The following SYCP1 variants were observed in gnomAD, a reference collection of about 807,000 sequenced individuals.
SYCP1 encodes the protein cancer/testis antigen 8.
Under a neutral mutation model 153.1 loss-of-function variants are expected in SYCP1, and 64 were observed. The observed-to-expected ratio is 0.42, with a 90% CI of 0.34 to 0.51. The LOEUF (loss-of-function observed/expected upper bound fraction) is 0.51, where lower values mean the gene tolerates loss of function less well. Ranked by LOEUF, SYCP1 falls within the 20% of genes least tolerant of loss-of-function variation. SYCP1 has a pLI of 0.06. For synonymous variants in SYCP1, 384 were observed against 341.8 expected (o/e 1.12, Z -1.36); for missense variants, 997 against 1,049.0 (o/e 0.95, Z 0.68).
intron 23 of SYCP1, among the ~76,000 whole-genome samples, chr1:114,940,580 G>A (rs902507988): frequency 3.9e-5 from 6 of 152,124 alleles, no homozygotes; most frequent in East Asian, 1.9e-4. Flanking sequence ...AAGGGGACAT[G>A]TTGTGTTTTT....
intron 7 of SYCP1, 107 bp from the exon 8 acceptor site, chr1:114,860,629 A>G (rs1664303890): frequency 1.4e-6 from 1 of 700,058 alleles, no homozygotes; most frequent in Non-Finnish European, 2.3e-6. Context: ...AGATTATAAT[A>G]TTTTAAAAAT....
chr1:114,978,036 C>T (rs1672917128), intron 28 of SYCP1, among the ~76,000 whole-genome samples: 1 of 151,380 alleles, frequency 6.6e-6, no homozygotes, highest in South Asian at 2.1e-4. Flanking sequence ...AAATGACATC[C>T]TGTTTTCCTC....
chr1:114,881,692 G>A (rs555328724), intron 12 of SYCP1, among the ~76,000 whole-genome samples: 15 of 152,096 alleles, frequency 9.9e-5, no homozygotes, highest in Non-Finnish European at 2.1e-4. Flanking sequence ...TGTAGAGACA[G>A]GGTTTCACTG....
intron 23 of SYCP1, among the ~76,000 whole-genome samples, chr1:114,932,271 A>G (rs1280578540): frequency 6.6e-6 from 1 of 152,230 alleles, no homozygotes; most frequent in African/African-American, 2.4e-5. Flanking sequence ...ACAAGGTACA[A>G]AGAAAAAGAA....
intron 1 of SYCP1, 48 bp from the exon 2 acceptor site, chr1:114,855,393 T>C: frequency 8.7e-7 from 1 of 1,155,058 alleles, no homozygotes; most frequent in South Asian, 1.3e-5. Flanking sequence ...TTCATGACAC[T>C]CGGTGAAAAA....
At chr1:114,914,318 A>G (rs1009711040) in intron 20 of SYCP1, among the ~76,000 whole-genome samples, 1 of 151,898 alleles carries the variant, frequency 6.6e-6, no homozygotes, top group Non-Finnish European at 1.5e-5. Flanking sequence ...AAATATATTA[A>G]TCACATTTAA....
rs147334521 is a variant in SYCP1, at chr1:114,885,750, C to T, written c.1005+121C>T. On this transcript the variant is annotated intron_variant, in intron 13 of 31. Coordinates refer to ENST00000369522, the MANE Select transcript of SYCP1 (RefSeq NM_003176.4). ...GAGTTTCAAATAGTTAGAGAAGACA[C>T]AATCCTAGTCTGCAAAATGCTATAG... 7.9e-5 allele frequency: 46 copies of T among 582,364 alleles called. No individual in the cohort carries two copies. The East Asian group carries it at 1.4e-3, about 18-fold the overall frequency. 36.1% of individuals were successfully genotyped at this position (582,364 alleles called of 1,614,324 possible).
At chr1:114,871,725 A>G (rs1488263658) in intron 8 of SYCP1, among the ~76,000 whole-genome samples, 29 of 151,804 alleles carry the variant, frequency 1.9e-4, no homozygotes, top group Admixed American at 5.3e-4. Flanking sequence ...GGCGTGTGCC[A>G]ATTTTTTTAT....
chr1:114,883,704 C>T (rs191038370), intron 12 of SYCP1, among the ~76,000 whole-genome samples: 1 of 152,248 alleles, frequency 6.6e-6, no homozygotes, highest in African/African-American at 2.4e-5. Context: ...TCATAATGGA[C>T]ACCACAATCA....
intron 8 of SYCP1, among the ~76,000 whole-genome samples, chr1:114,871,959 AG>A (rs1665166279): frequency 6.6e-6 from 1 of 151,304 alleles, no homozygotes; most frequent in Non-Finnish European, 1.5e-5. Flanking sequence ...AAAGTTATTT[AG>A]CCTTCACTTA....
chr1:114,880,196 A>G (rs1032245317), intron 12 of SYCP1, among the ~76,000 whole-genome samples: 1 of 152,206 alleles, frequency 6.6e-6, no homozygotes, highest in African/African-American at 2.4e-5. Context: ...TTGTTATGCA[A>G]CCATAACCAC....
At chr1:114,908,405 C>T (rs1200318573) in intron 16 of SYCP1, among the ~76,000 whole-genome samples, 2 of 152,108 alleles carry the variant, frequency 1.3e-5, no homozygotes, top group Non-Finnish European at 2.9e-5. Flanking sequence ...TTTTAACTTT[C>T]TTCAAATATG....
chr1:114,908,480 A>G (rs1667966457), intron 16 of SYCP1, among the ~76,000 whole-genome samples: 1 of 152,078 alleles, frequency 6.6e-6, no homozygotes, highest in Non-Finnish European at 1.5e-5. Context: ...CTAAGATTAC[A>G]ATTATACATT....
At chr1:114,897,441 A>C (rs1276424817) in intron 16 of SYCP1, among the ~76,000 whole-genome samples, 1 of 152,188 alleles carries the variant, frequency 6.6e-6, no homozygotes, top group Admixed American at 6.5e-5. Context: ...ACCAGTTTGC[A>C]CAGGGAAGGG....
chr1:114,860,464 G>A (rs1304471205), intron 7 of SYCP1, among the ~76,000 whole-genome samples: 3 of 152,046 alleles, frequency 2.0e-5, no homozygotes, highest in African/African-American at 7.2e-5. Flanking sequence ...AACTTGTTAA[G>A]GAGCTGTCAC....
chr1:114,866,600 T>C (rs78393159), intron 8 of SYCP1, among the ~76,000 whole-genome samples: 7,313 of 152,224 alleles, frequency 0.048, 219 homozygotes, highest in African/African-American at 0.064. Context: ...CTTTGTATAT[T>C]ATAGAAAACA....
At chr1:114,893,990 G>A (rs1332953345) in intron 15 of SYCP1, among the ~76,000 whole-genome samples, 11 of 150,254 alleles carry the variant, frequency 7.3e-5, no homozygotes, top group African/African-American at 1.7e-4. Flanking sequence ...CCAAGGATTC[G>A]TTAATTTTCT....
At chr1:114,987,792 T>C (rs1384316038) in intron 30 of SYCP1, among the ~76,000 whole-genome samples, 2 of 151,708 alleles carry the variant, frequency 1.3e-5, no homozygotes, top group African/African-American at 4.8e-5. Flanking sequence ...AGCTCAGACA[T>C]TGGAATTACT....
At chr1:114,931,710 A>T (rs1036579583) in intron 23 of SYCP1, among the ~76,000 whole-genome samples, 1 of 152,178 alleles carries the variant, frequency 6.6e-6, no homozygotes, top group Non-Finnish European at 1.5e-5. Context: ...TTTTTAGTAG[A>T]CTTTTACATA....
Sources: gnomAD v4.1 joint callset for allele counts (sites outside exome capture counted in the v4.1 genomes callset) on GRCh38, gnomAD v4.1.1 for gene constraint, MANE v1.5 for transcripts, NCBI Gene and HGNC (gene_info 2026-07-23, HGNC 2026-07-21) for gene names.